Variants in ENOX1 observed in about 807,000 individuals in gnomAD.
ENOX1 encodes candidate growth-related and time keeping constitutive hydroquinone (NADH) oxidase.
Under a neutral mutation model 82.5 loss-of-function variants are expected in ENOX1, and 42 were observed. The ratio of observed to expected loss-of-function variants is 0.51; its 90% CI spans 0.40 to 0.66. The LOEUF (loss-of-function observed/expected upper bound fraction) is 0.66. Ranked by LOEUF, ENOX1 falls within the 30% of genes least tolerant of loss-of-function variation. ENOX1 has a pLI of 0.00. For synonymous variants in ENOX1, 271 were observed against 282.2 expected, an observed-to-expected ratio of 0.96 and a Z score of 0.40; for missense variants, 608 against 811.6, an observed-to-expected ratio of 0.75 and a Z score of 3.05.
At chr13:43,659,567 T>C (rs976403228) in intron 2 of ENOX1, among the ~76,000 whole-genome samples, 2 of 152,206 alleles carry the variant, frequency 1.3e-5, no homozygotes, top group African/African-American at 2.4e-5. Context: ...CTTTAGTTTT[T>C]TTCTCTCATG....
At chr13:43,589,797 CA>C (rs2153724423) in intron 2 of ENOX1, among the ~76,000 whole-genome samples, 1 of 151,958 alleles carries the variant, frequency 6.6e-6, no homozygotes, top group East Asian at 1.9e-4. Flanking sequence ...CATGAGCCAC[CA>C]TGCCTGGCCC....
At chr13:43,432,145 T>C (rs2055709854) in intron 3 of ENOX1, among the ~76,000 whole-genome samples, 1 of 152,166 alleles carries the variant, frequency 6.6e-6, no homozygotes, top group South Asian at 2.1e-4. Context: ...TGTGGCAAGC[T>C]TCCTTCTCTT....
At chr13:43,410,417 G>A (rs1338861698) in intron 5 of ENOX1, among the ~76,000 whole-genome samples, 1 of 152,108 alleles carries the variant, frequency 6.6e-6, no homozygotes, top group Non-Finnish European at 1.5e-5. Flanking sequence ...CCCTAGAGCA[G>A]ACTAATCTTC....
intron 15 of ENOX1, 70 bp downstream of exon 15, chr13:43,236,566 A>T: frequency 3.3e-6 from 3 of 918,706 alleles, no homozygotes; most frequent in Middle Eastern, 3.4e-4. Context: ...ATAAGTTAAT[A>T]ACTAAAATAT....
In ENOX1 at chr13:43,416,332, G is replaced by T. The variant is rs1255396081; in HGVS notation, c.-74-3344C>A. Among the ~76,000 whole-genome samples the T allele has an allele frequency of 3.5e-3, 516 of 147,988 alleles. 1 individual carries two copies. Among genetic ancestry groups the T allele is most frequent in the African/African-American group, 0.012 (475 of 39,986 alleles). On this transcript the variant is annotated intron_variant, in intron 3 of 16. Transcript: ENST00000690772. ...CCAGACGGGGCGGCCGGGCAGAGGC[G>T]CTCCTCAGTTCCCAGATGGGGCGGC...
At chr13:43,363,058 G>A (rs2050630054) in intron 5 of ENOX1, among the ~76,000 whole-genome samples, 1 of 152,064 alleles carries the variant, frequency 6.6e-6, no homozygotes, top group African/African-American at 2.4e-5. Context: ...CTGTTTGACT[G>A]GATTATCTCT....
chr13:43,778,509 T>C (rs1952057921), intron 1 of ENOX1, among the ~76,000 whole-genome samples: 1 of 152,142 alleles, frequency 6.6e-6, no homozygotes, highest in South Asian at 2.1e-4. Flanking sequence ...CACAGAGTCA[T>C]ACTAGGTCTT....
At chr13:43,602,437 G>A (rs1294855155) in intron 2 of ENOX1, among the ~76,000 whole-genome samples, 2 of 152,036 alleles carry the variant, frequency 1.3e-5, no homozygotes, top group Admixed American at 6.6e-5. Context: ...GTGATCAAAT[G>A]AAAATTTCAA....
intron 2 of ENOX1, among the ~76,000 whole-genome samples, chr13:43,556,274 C>A (rs2079432427): frequency 6.7e-6 from 1 of 150,354 alleles, no homozygotes. Flanking sequence ...TTTCTCTTTT[C>A]TAATATGTAG....
chr13:43,781,353 C>T (rs1161099805), intron 1 of ENOX1, among the ~76,000 whole-genome samples: 1 of 152,156 alleles, frequency 6.6e-6, no homozygotes, highest in Non-Finnish European at 1.5e-5. Context: ...GCACTGTTCT[C>T]AGTGCTGGGG....
chr13:43,356,400 T>A (rs1390388744), intron 7 of ENOX1, among the ~76,000 whole-genome samples: 5 of 152,156 alleles, frequency 3.3e-5, no homozygotes, highest in Non-Finnish European at 7.4e-5. Context: ...TGCTTACCCA[T>A]CTTCCAAACC....
At chr13:43,461,401 C>A (rs1356024042) in intron 3 of ENOX1, among the ~76,000 whole-genome samples, 3 of 152,154 alleles carry the variant, frequency 2.0e-5, no homozygotes, top group Admixed American at 1.3e-4. Context: ...TAAGCATCTC[C>A]CTTGTCATGT....
intron 1 of ENOX1, among the ~76,000 whole-genome samples, chr13:43,700,095 A>AT (rs2086834462): frequency 6.6e-6 from 1 of 152,196 alleles, no homozygotes; most frequent in South Asian, 2.1e-4. Context: ...TTTAAAAAGC[A>AT]TCTTGACTTT....
intron 9 of ENOX1, among the ~76,000 whole-genome samples, chr13:43,328,080 T>C (rs2048215698): frequency 1.3e-5 from 2 of 152,288 alleles, no homozygotes; most frequent in South Asian, 4.1e-4. Flanking sequence ...CTTGGGCACA[T>C]GTGGCTTCCC....
intron 2 of ENOX1, among the ~76,000 whole-genome samples, chr13:43,505,606 T>G (rs550690917): frequency 6.6e-6 from 1 of 151,968 alleles, no homozygotes; most frequent in South Asian, 2.1e-4. Context: ...GGGGTTGTTT[T>G]TTTCTTGTAA....
At chr13:43,472,182 A>T (rs1276572390) in intron 3 of ENOX1, among the ~76,000 whole-genome samples, 1 of 152,162 alleles carries the variant, frequency 6.6e-6, no homozygotes, top group Non-Finnish European at 1.5e-5. Context: ...AATATATGTA[A>T]AAAACAGTTC....
intron 2 of ENOX1, among the ~76,000 whole-genome samples, chr13:43,603,372 ATTTTATTT>A (rs1397736042): frequency 8.6e-6 from 1 of 115,646 alleles, no homozygotes; most frequent in African/African-American, 4.5e-5. Flanking sequence ...CCTTTTATTT[ATTTTATTT>A]ATTTATTTAT....
intron 4 of ENOX1, 104 bp from the exon 5 acceptor site, chr13:43,412,157 A>G: frequency 7.8e-7 from 1 of 1,277,612 alleles, no homozygotes; most frequent in Non-Finnish European, 1.1e-6. Flanking sequence ...GCACATTCCC[A>G]AACTACAAAA....
At chr13:43,541,495 G>A (rs535303923) in intron 2 of ENOX1, among the ~76,000 whole-genome samples, 4 of 152,114 alleles carry the variant, frequency 2.6e-5, no homozygotes, top group Admixed American at 6.5e-5. Context: ...TGCGAGAGCT[G>A]TTTCTAAAAA....
Sources: allele counts gnomAD v4.1 joint callset (sites outside exome capture counted in the v4.1 genomes callset), GRCh38; gene constraint gnomAD v4.1.1; transcripts MANE v1.5; gene names NCBI Gene and HGNC (gene_info 2026-07-23, HGNC 2026-07-21).